ABCC1: variants seen among roughly 807,000 people sequenced by gnomAD.
ABCC1 encodes ATP binding cassette subfamily C member 1 (ABCC1 blood group).
In ABCC1, 83 loss-of-function variants were observed where a neutral mutation model predicts 172.9. The ratio of observed to expected loss-of-function variants is 0.48; its 90% CI spans 0.40 to 0.58. The LOEUF (loss-of-function observed/expected upper bound fraction) is 0.58. ABCC1 is among the 20% of genes least tolerant of loss of function. The pLI, the probability that ABCC1 is intolerant of heterozygous loss-of-function variation, is 0.00. For missense variants in ABCC1, 1,817 were observed against 2,002.7 expected (o/e 0.91, Z 1.77); for synonymous variants, 937 against 825.2 (o/e 1.14, Z -2.32).
intron 27 of ABCC1, among the ~76,000 whole-genome samples, chr16:16,133,697 C>A (rs908305482): frequency 2.0e-5 from 3 of 152,150 alleles, no homozygotes; most frequent in Admixed American, 6.5e-5. Flanking sequence ...AGCCACCGTG[C>A]CCCAGCCCTT....
intron 5 of ABCC1, 117 bp downstream of exon 5, chr16:16,016,738 C>T: frequency 7.0e-7 from 1 of 1,421,638 alleles, no homozygotes; most frequent in Non-Finnish European, 9.6e-7. Context: ...CCCTCAACCC[C>T]TGATACAGGG....
At chr16:16,039,001 C>T (rs2048860900) in intron 7 of ABCC1, among the ~76,000 whole-genome samples, 1 of 152,164 alleles carries the variant, frequency 6.6e-6, no homozygotes, top group Non-Finnish European at 1.5e-5. Context: ...ATGAAACTGA[C>T]TGCTGCTTTT....
chr16:15,987,711 C>T (rs769276904), intron 1 of ABCC1, among the ~76,000 whole-genome samples: 8 of 152,236 alleles, frequency 5.3e-5, no homozygotes, highest in Non-Finnish European at 1.2e-4. Context: ...GGTCACCCTG[C>T]GTGAAAGTCA....
At chr16:16,036,696 C>T in intron 7 of ABCC1, 93 bp downstream of exon 7, 1 of 1,363,482 alleles carries the variant, frequency 7.3e-7, no homozygotes, top group Non-Finnish European at 1.0e-6. Context: ...GGCAGTGCTG[C>T]CTGTTACTAG....
intron 26 of ABCC1, among the ~76,000 whole-genome samples, chr16:16,126,464 A>G (rs2045441181): frequency 6.6e-6 from 1 of 151,908 alleles, no homozygotes; most frequent in Admixed American, 6.6e-5. Flanking sequence ...GCTCACTGCA[A>G]CCTCCTCCTC....
chr16:16,056,128 C>A lies in ABCC1; in HGVS notation c.1510C>A (p.Leu504Met), dbSNP rs1167260520. Reference sequence around the variant, plus strand: ...GAAGAGCAAAGACAATCGGATCAAGCTGATGAACGAAATTCTCAATGGGAT... The same window carrying A: ...GAAGAGCAAAGACAATCGGATCAAGATGATGAACGAAATTCTCAATGGGAT... The part of the protein sequence containing the change: ...HMKSKDNRIK[L>M]MNEILNGIKV... The change falls in exon 12 of 31, where the codon CTG becomes ATG. Residue 504 changes from leucine to methionine, a missense_variant. This residue lies in a region of ABCC1 where 1,412 missense variants were observed against 1,600.3 expected (regional missense o/e 0.88). Transcript: ENST00000399410. The A allele has an allele frequency of 1.2e-6, 2 of 1,614,118 alleles. No homozygotes were observed. The highest frequency in any genetic ancestry group is 3.3e-5 in the Admixed American group (2 of 60,002).
At chr16:16,004,657 CTT>C (rs66530759) in intron 1 of ABCC1, among the ~76,000 whole-genome samples, 137 of 112,112 alleles carry the variant, frequency 1.2e-3, no homozygotes, top group African/African-American at 3.0e-3. Flanking sequence ...GTAAGGTTTA[CTT>C]TTTTTTTTTT....
rs1241121563 is a variant in ABCC1, at chr16:16,045,928, C to G, written c.1133C>G (p.Thr378Ser). The G allele has an allele frequency of 6.2e-7, 1 of 1,614,132 alleles. No individual in the cohort carries two copies. Among genetic ancestry groups the G allele is most frequent in the South Asian group, 1.1e-5 (1 of 91,068 alleles). The change falls in exon 9 of 31, where the codon ACC becomes AGC. Residue 378 changes from threonine (T) to serine (S), a missense_variant. Transcript: ENST00000399410. Reference sequence around the variant, plus strand: ...CTGTTTGTCACTGCCTGCCTGCAGACCCTCGTGCTGCACCAGTACTTCCAC... The same window carrying G: ...CTGTTTGTCACTGCCTGCCTGCAGAGCCTCGTGCTGCACCAGTACTTCCAC... ...VLLFVTACLQTLVLHQYFHIC... is the reference protein window; with the variant it reads ...VLLFVTACLQSLVLHQYFHIC...
chr16:16,103,062 T>C (rs1350502978), intron 20 of ABCC1, among the ~76,000 whole-genome samples: 10 of 152,110 alleles, frequency 6.6e-5, no homozygotes, highest in African/African-American at 2.2e-4. Context: ...TTTAAAACTG[T>C]CTCAAGGCCA....
chr16:16,131,768 C>G, intron 26 of ABCC1, 21 bp from the exon 27 acceptor site: 4 of 1,609,304 alleles, frequency 2.5e-6, no homozygotes, highest in Non-Finnish European at 3.4e-6. Flanking sequence ...TCCTTACTCT[C>G]TCCCTTCACT....
At chr16:16,073,503 C>T (rs546688831) in intron 14 of ABCC1, among the ~76,000 whole-genome samples, 1 of 152,200 alleles carries the variant, frequency 6.6e-6, no homozygotes, top group African/African-American at 2.4e-5. Context: ...TGGCTCCTAC[C>T]TATAATCCTA....
At chr16:15,979,408 T>G (rs532547708) in intron 1 of ABCC1, among the ~76,000 whole-genome samples, 1 of 152,270 alleles carries the variant, frequency 6.6e-6, no homozygotes, top group East Asian at 1.9e-4. Context: ...TATTTATTAA[T>G]TCTTTTGAGG....
chr16:16,026,500 G>T (rs2048380115), intron 5 of ABCC1, among the ~76,000 whole-genome samples: 1 of 125,048 alleles, frequency 8.0e-6, no homozygotes, highest in Non-Finnish European at 1.7e-5. Context: ...CCAGTGAAGG[G>T]GGGACCCTGT....
intron 5 of ABCC1, among the ~76,000 whole-genome samples, chr16:16,031,647 G>A (rs575943727): frequency 5.2e-4 from 79 of 152,076 alleles, no homozygotes; most frequent in Non-Finnish European, 8.7e-4. Flanking sequence ...TGCACACACT[G>A]CTGTCTGTTG....
chr16:16,135,837 T>C (rs1005734555), intron 28 of ABCC1, among the ~76,000 whole-genome samples: 2 of 152,198 alleles, frequency 1.3e-5, no homozygotes, highest in African/African-American at 4.8e-5. Flanking sequence ...CTAAAGTGTC[T>C]TAGAAGATTC....
chr16:16,014,443 G>C lies in ABCC1; in HGVS notation c.352-48G>C, dbSNP rs1416514768. The C allele has an allele frequency of 4.4e-6, 7 of 1,599,234 alleles. 1 individual carries two copies. In the South Asian group the frequency reaches 7.9e-5, roughly 18 times the overall value. ...GCCTGGGTGACAAGAGTGAAACTCT[G>C]TCTCAAAAAAAAACCCAACAACTCC... On this transcript the variant is annotated intron_variant, in intron 3 of 30. Coordinates refer to ENST00000399410, the MANE Select transcript of ABCC1 (RefSeq NM_004996.4).
intron 12 of ABCC1, among the ~76,000 whole-genome samples, chr16:16,062,554 G>C (rs900049987): frequency 6.6e-6 from 1 of 152,162 alleles, no homozygotes; most frequent in Non-Finnish European, 1.5e-5. Context: ...TTGCCATTTA[G>C]TTTCCCGGAG....
intron 18 of ABCC1, among the ~76,000 whole-genome samples, chr16:16,090,115 C>T (rs1447409010): frequency 6.6e-6 from 1 of 152,220 alleles, no homozygotes; most frequent in Non-Finnish European, 1.5e-5. Context: ...GTGTTCGTTT[C>T]TCCTGCGGCC....
intron 1 of ABCC1, among the ~76,000 whole-genome samples, chr16:16,005,755 C>T (rs566630875): frequency 1.1e-4 from 16 of 152,092 alleles, no homozygotes; most frequent in South Asian, 4.1e-4. Flanking sequence ...TTTAGGACTT[C>T]GAGACTAGAC....
Sources: allele counts gnomAD v4.1 joint callset (sites outside exome capture counted in the v4.1 genomes callset), GRCh38; gene constraint gnomAD v4.1.1; regional missense constraint gnomAD v4.1.1; transcripts MANE v1.5; gene names NCBI Gene and HGNC (gene_info 2026-07-23, HGNC 2026-07-21).